Variants in SLC25A26 observed in about 807,000 individuals in gnomAD.
The protein encoded by SLC25A26 is solute carrier family 25 member 26.
Under a neutral mutation model 37.8 loss-of-function variants are expected in SLC25A26, and 36 were observed. The ratio of observed to expected loss-of-function variants is 0.95; its 90% CI spans 0.73 to 1.26. SLC25A26 has a LOEUF of 1.26. Among genes scored for constraint, SLC25A26 ranks in the 50% most tolerant of loss-of-function variants. SLC25A26 has a pLI of 0.00. For missense variants in SLC25A26, 390 were observed against 331.1 expected, an observed-to-expected ratio of 1.18 and a Z score of -1.38; for synonymous variants, 129 against 122.5, an observed-to-expected ratio of 1.05 and a Z score of -0.35.
At chr3:66,224,437 G>A (rs1553659728) in intron 1 of SLC25A26, among the ~76,000 whole-genome samples, 2 of 152,208 alleles carry the variant, frequency 1.3e-5, no homozygotes, top group African/African-American at 4.8e-5. Flanking sequence ...AAAACCATCA[G>A]ATCCTGTGAG....
chr3:66,237,874 G>A (rs911434684), intron 2 of SLC25A26, among the ~76,000 whole-genome samples: 7 of 151,978 alleles, frequency 4.6e-5, no homozygotes, highest in African/African-American at 1.5e-4. Context: ...TTTCTCTTAC[G>A]TTAACCTGAC....
intron 1 of SLC25A26, among the ~76,000 whole-genome samples, chr3:66,222,971 TC>T (rs2071570949): frequency 6.6e-6 from 1 of 152,210 alleles, no homozygotes; most frequent in Non-Finnish European, 1.5e-5. Context: ...TAGATTTCAT[TC>T]CAGGTAAAGG....
chr3:66,150,853 C>T (rs916027004), intron 1 of SLC25A26, among the ~76,000 whole-genome samples: 1 of 151,492 alleles, frequency 6.6e-6, no homozygotes, highest in Non-Finnish European at 1.5e-5. Context: ...TTGATAGACC[C>T]TCTGTTTTAG....
At chr3:66,245,277 A>C (rs754694889) in intron 3 of SLC25A26, among the ~76,000 whole-genome samples, 6 of 151,544 alleles carry the variant, frequency 4.0e-5, no homozygotes, top group Non-Finnish European at 8.8e-5. Flanking sequence ...ACAAAACCTC[A>C]AAACTAATGC....
In SLC25A26 at chr3:66,281,995, C is replaced by CTTT. The variant is rs745763623; in HGVS notation, c.453+18616_453+18617insTTT. Among the ~76,000 whole-genome samples, 52 of 87,828 alleles carry CTTT rather than the reference C, an allele frequency of 5.9e-4. 1 individual carries two copies. The highest frequency in any genetic ancestry group is 1.2e-3 in the South Asian group (4 of 3,312). The allele number at this position is 87,828 out of a possible 152,430, so 57.6% of individuals were successfully genotyped here. ...GCACCACCACACCCAACTGATTTTG[C>CTTT]ATTTTTTTTTTTTTTTTTTTTTTTT... On this transcript the variant is annotated intron_variant, in intron 5 of 9. Transcript: ENST00000354883.
intron 1 of SLC25A26, among the ~76,000 whole-genome samples, chr3:66,223,459 A>G (rs1553659410): frequency 1.3e-5 from 2 of 152,162 alleles, no homozygotes; most frequent in African/African-American, 2.4e-5. Context: ...TTGTAGTGTA[A>G]TGGAAGCCAT....
chr3:66,286,886 C>T (rs1430298499), intron 5 of SLC25A26, among the ~76,000 whole-genome samples: 1 of 152,078 alleles, frequency 6.6e-6, no homozygotes, highest in Non-Finnish European at 1.5e-5. Context: ...TGGTGTTGAA[C>T]CCCTGGCCTC....
chr3:66,175,755 T>G (rs2106742664), intron 1 of SLC25A26, among the ~76,000 whole-genome samples: 1 of 152,284 alleles, frequency 6.6e-6, no homozygotes, highest in Admixed American at 6.5e-5. Context: ...GAATTCTCTC[T>G]TACTCTAGGG....
intron 1 of SLC25A26, among the ~76,000 whole-genome samples, chr3:66,138,385 CTTT>C (rs1214228438): frequency 6.6e-6 from 1 of 152,128 alleles, no homozygotes; most frequent in East Asian, 1.9e-4. Flanking sequence ...ATAAATTTCT[CTTT>C]TTTTCTATAA....
Position 66,154,285 on chromosome 3 carries a change from T to G in SLC25A26, c.-354+20301T>G, listed in dbSNP as rs781147654. ...AGTAGCTTCAGCAGAGGGAGCTGAT[T>G]AAATTCCTCTTTCCTTTGCTGCTTG... On this transcript the variant is annotated intron_variant, in intron 1 of 10. Coordinates refer to the SLC25A26 transcript ENST00000676754. Among the ~76,000 whole-genome samples, 191 of 152,136 alleles carry G rather than the reference T, an allele frequency of 1.3e-3. 1 individual carries two copies. Among genetic ancestry groups the G allele is most frequent in the Non-Finnish European group, 2.1e-3 (144 of 68,032 alleles).
chr3:66,243,677 G>C (rs2072693763), intron 3 of SLC25A26, among the ~76,000 whole-genome samples: 1 of 152,204 alleles, frequency 6.6e-6, no homozygotes, highest in African/African-American at 2.4e-5. Flanking sequence ...TTCCGAAATA[G>C]TTTCAGTTTG....
At chr3:66,248,403 G>GA (rs1395556461) in intron 3 of SLC25A26, among the ~76,000 whole-genome samples, 1 of 152,128 alleles carries the variant, frequency 6.6e-6, no homozygotes, top group Non-Finnish European at 1.5e-5. Flanking sequence ...ATCACACACA[G>GA]AAAAAGCCCT....
At chr3:66,277,022 A>C (rs1400774733) in intron 5 of SLC25A26, among the ~76,000 whole-genome samples, 1 of 151,936 alleles carries the variant, frequency 6.6e-6, no homozygotes, top group Non-Finnish European at 1.5e-5. Flanking sequence ...TTTCCGATCA[A>C]GATACCTGAA....
At chr3:66,270,481 C>T (rs2073920380) in intron 5 of SLC25A26, among the ~76,000 whole-genome samples, 1 of 152,022 alleles carries the variant, frequency 6.6e-6, no homozygotes, top group African/African-American at 2.4e-5. Flanking sequence ...GAAAAAAATC[C>T]CTGTTTGCTC....
Position 66,236,581 on chromosome 3 carries a change from T to C in SLC25A26, c.71T>C (p.Leu24Ser). ...GVAGVSVDLI[L>S]FPLDTIKTRL... ...GCAGGTGTTTCTGTTGACTTGATAT[T>C]ATTTCCTCTGGATACCATTAAAACC... The change falls in exon 2 of 10, where the codon TTA (leucine) becomes TCA (serine). Residue 24 changes from leucine (L) to serine (S), a missense_variant. Coordinates refer to ENST00000354883, the MANE Select transcript of SLC25A26 (RefSeq NM_001379210.1). 2 of 1,496,978 alleles carry C rather than the reference T, an allele frequency of 1.3e-6. No homozygotes were observed. The highest frequency in any genetic ancestry group is 4.9e-5 in the East Asian group (2 of 40,570). 92.7% of individuals were successfully genotyped at this position (1,496,978 alleles called of 1,614,324 possible).
intron 1 of SLC25A26, among the ~76,000 whole-genome samples, chr3:66,205,243 T>C (rs2071161991): frequency 6.6e-6 from 1 of 152,180 alleles, no homozygotes; most frequent in Non-Finnish European, 1.5e-5. Flanking sequence ...GAAAAAAGCG[T>C]GGTGGAGGCT....
chr3:66,230,669 G>A (rs962519017), intron 1 of SLC25A26, among the ~76,000 whole-genome samples: 16 of 151,878 alleles, frequency 1.1e-4, no homozygotes, highest in African/African-American at 3.4e-4. Context: ...GCCGGGCATG[G>A]TGGCTCACGC....
intron 1 of SLC25A26, among the ~76,000 whole-genome samples, chr3:66,187,046 C>A (rs1403239989): frequency 2.0e-5 from 3 of 152,038 alleles, no homozygotes; most frequent in African/African-American, 7.2e-5. Flanking sequence ...ACTATTCTCA[C>A]ATCAGCCCTG....
At chr3:66,137,100 A>C (rs1369046496) in intron 1 of SLC25A26, among the ~76,000 whole-genome samples, 1 of 152,182 alleles carries the variant, frequency 6.6e-6, no homozygotes, top group Non-Finnish European at 1.5e-5. Flanking sequence ...AGCTTGACTA[A>C]TAGATGTGAG....
Sources: gnomAD v4.1 joint callset for allele counts (sites outside exome capture counted in the v4.1 genomes callset) on GRCh38, gnomAD v4.1.1 for gene constraint, MANE v1.5 for transcripts, NCBI Gene and HGNC (gene_info 2026-07-23, HGNC 2026-07-21) for gene names.